Variants in JARID2 observed in about 807,000 individuals in gnomAD.
JARID2 encodes protein Jumonji.
In JARID2, 21 loss-of-function variants were observed where a neutral mutation model predicts 125.6. The ratio of observed to expected loss-of-function variants is 0.17; its 90% CI spans 0.12 to 0.24. The LOEUF is 0.24. JARID2 is among the 10% of genes least tolerant of loss of function. JARID2 has a pLI of 1.00. For missense variants in JARID2, 1,303 were observed against 1,639.6 expected (o/e 0.79, Z 3.55); for synonymous variants, 736 against 661.6 (o/e 1.11, Z -1.73).
chr6:15,376,660 G>A (rs527406888), intron 2 of JARID2, among the ~76,000 whole-genome samples: 132 of 152,246 alleles, frequency 8.7e-4, no homozygotes, highest in African/African-American at 3.0e-3. Context: ...GGAGGTCAAG[G>A]CTGCATTGAG....
chr6:15,395,543 G>A (rs908149370), intron 2 of JARID2, among the ~76,000 whole-genome samples: 4 of 152,160 alleles, frequency 2.6e-5, no homozygotes, highest in African/African-American at 9.7e-5. Context: ...GGGATTACAG[G>A]TGTGAGCCAC....
At chr6:15,495,782 T>C (rs1192737123) in intron 6 of JARID2, among the ~76,000 whole-genome samples, 1 of 152,154 alleles carries the variant, frequency 6.6e-6, no homozygotes, top group Non-Finnish European at 1.5e-5. Context: ...GGTGATTGCA[T>C]GGCACGTGGG....
rs763898041 is a variant in JARID2, at chr6:15,496,373, A to G, written c.1148A>G (p.Asn383Ser). The G allele has an allele frequency of 9.3e-6, 15 of 1,614,036 alleles. No homozygotes were observed. In the Admixed American group the frequency reaches 1.5e-4, roughly 16 times the overall value. The change falls in exon 7 of 18, where the codon AAT (asparagine) becomes AGT (serine). Residue 383 changes from asparagine (N) to serine (S), a missense_variant. Coordinates refer to ENST00000341776, the MANE Select transcript of JARID2 (RefSeq NM_004973.4). ...ATCTCAGGGAAAACTGAAAGTAGCAATGCAAAAACCCGCAAACAGGTGCTA... is the reference window on the plus strand; with the variant it reads ...ATCTCAGGGAAAACTGAAAGTAGCAGTGCAAAAACCCGCAAACAGGTGCTA... ...HTISGKTESS[N>S]AKTRKQVLSL... is the part of the protein sequence containing the mutation.
At chr6:15,292,175 C>T (rs1235661720) in intron 1 of JARID2, among the ~76,000 whole-genome samples, 2 of 151,972 alleles carry the variant, frequency 1.3e-5, no homozygotes, top group African/African-American at 2.4e-5. Flanking sequence ...CGCCACCTCG[C>T]CCGGCTAATT....
chr6:15,327,926 C>T (rs912718272), intron 1 of JARID2, among the ~76,000 whole-genome samples: 2 of 152,248 alleles, frequency 1.3e-5, no homozygotes, highest in South Asian at 2.1e-4. Context: ...TTGTGCACCT[C>T]GTTTGTATTT....
intron 2 of JARID2, among the ~76,000 whole-genome samples, chr6:15,401,222 T>C (rs1235445911): frequency 6.6e-6 from 1 of 152,130 alleles, no homozygotes; most frequent in Non-Finnish European, 1.5e-5. Flanking sequence ...TAATATTCTT[T>C]TAGCTTTGAT....
intron 2 of JARID2, among the ~76,000 whole-genome samples, chr6:15,388,651 T>C (rs1475289492): frequency 6.6e-6 from 1 of 150,550 alleles, no homozygotes; most frequent in Non-Finnish European, 1.5e-5. Flanking sequence ...TTTTATAATA[T>C]TTTATATTCG....
At chr6:15,414,646 G>A (rs999836212) in intron 3 of JARID2, among the ~76,000 whole-genome samples, 1 of 152,208 alleles carries the variant, frequency 6.6e-6, no homozygotes. Context: ...CACGGAAAGG[G>A]CAGCCCAAGA....
Position 15,501,252 on chromosome 6 carries a change from T to C in JARID2, c.2291T>C (p.Val764Ala). The C allele has an allele frequency of 1.2e-6, 2 of 1,613,614 alleles. No individual in the cohort carries two copies. The highest frequency in any genetic ancestry group is 1.1e-5 in the South Asian group (1 of 91,072). ...FEPKNGLIHG[V>A]APRNGFRSKL... ...CCCAAGAATGGGCTCATCCACGGCG[T>C]GGCCCCCAGGAACGGCTTCCGCAGC... The change falls in exon 8 of 18, where the codon GTG becomes GCG. Residue 764 changes from valine to alanine, a missense_variant. Physicochemically the swap from Val to Ala is moderately conservative, Grantham distance 64. Coordinates refer to ENST00000341776, the MANE Select transcript of JARID2 (RefSeq NM_004973.4).
intron 1 of JARID2, among the ~76,000 whole-genome samples, chr6:15,272,610 G>A (rs1044790283): frequency 6.6e-6 from 1 of 152,182 alleles, no homozygotes; most frequent in African/African-American, 2.4e-5. Flanking sequence ...AAAGGGGCCA[G>A]GGTTGGACCC....
At chr6:15,452,803 TA>T (rs1252945320) in intron 4 of JARID2, among the ~76,000 whole-genome samples, 4 of 152,190 alleles carry the variant, frequency 2.6e-5, no homozygotes, top group Non-Finnish European at 4.4e-5. Context: ...AGTTTTCTAA[TA>T]GCTGTGAGGA....
At chr6:15,326,344 C>T (rs888613755) in intron 1 of JARID2, among the ~76,000 whole-genome samples, 11 of 152,206 alleles carry the variant, frequency 7.2e-5, no homozygotes, top group South Asian at 4.1e-4. Context: ...TAGCTAGGAC[C>T]GCATGTGTGC....
At chr6:15,344,535 C>T (rs1561804676) in intron 1 of JARID2, among the ~76,000 whole-genome samples, 1 of 144,836 alleles carries the variant, frequency 6.9e-6, no homozygotes, top group African/African-American at 2.5e-5. Flanking sequence ...GTGTACAATT[C>T]TTTTTTTTTT....
Position 15,246,311 on chromosome 6 carries a change from A to T in JARID2, c.-229A>T, listed in dbSNP as rs1024333449. On this transcript the variant is annotated 5_prime_UTR_variant, in exon 1 of 18. Coordinates refer to ENST00000341776, the MANE Select transcript of JARID2 (RefSeq NM_004973.4). Reference sequence around the variant, plus strand: ...CATTATGAGTGTTTTACTAAAGTGAATTTTTTTTTGTTTGCTTCGTTCGTC... The same window carrying T: ...CATTATGAGTGTTTTACTAAAGTGATTTTTTTTTTGTTTGCTTCGTTCGTC... 5 of 564,014 alleles carry T rather than the reference A, an allele frequency of 8.9e-6. No individual in the cohort carries two copies. The highest frequency in any genetic ancestry group is 1.6e-5 in the Non-Finnish European group (5 of 321,060). The allele number at this position is 564,014 out of a possible 1,614,324, so 34.9% of individuals were successfully genotyped here. A position where few individuals can be genotyped will look rare whatever the true frequency, so the allele number is the denominator to read the frequency against.
chr6:15,340,133 T>C (rs1166899413), intron 1 of JARID2, among the ~76,000 whole-genome samples: 1 of 152,158 alleles, frequency 6.6e-6, no homozygotes, highest in Non-Finnish European at 1.5e-5. Context: ...CTGACATTTG[T>C]ATTTTTGTCC....
At chr6:15,319,914 C>G (rs748521148) in intron 1 of JARID2, among the ~76,000 whole-genome samples, 1 of 152,202 alleles carries the variant, frequency 6.6e-6, no homozygotes, top group Non-Finnish European at 1.5e-5. Flanking sequence ...CTTTTGATTT[C>G]AGAGAAGTTC....
intron 4 of JARID2, among the ~76,000 whole-genome samples, chr6:15,467,288 CTATT>C (rs771440341): frequency 1.3e-5 from 2 of 152,066 alleles, no homozygotes; most frequent in Non-Finnish European, 1.5e-5. Flanking sequence ...TTTGAGATCT[CTATT>C]TAGGTAGGAG....
intron 1 of JARID2, among the ~76,000 whole-genome samples, chr6:15,349,392 C>G: frequency 6.6e-6 from 1 of 152,118 alleles, no homozygotes; most frequent in East Asian, 1.9e-4. Context: ...TGAAGTGGGC[C>G]TAACTGGAGT....
chr6:15,319,748 T>G (rs1001986701), intron 1 of JARID2, among the ~76,000 whole-genome samples: 2 of 152,174 alleles, frequency 1.3e-5, no homozygotes, highest in Non-Finnish European at 2.9e-5. Context: ...GCAGGAAAAG[T>G]TTAACCTGAG....
Sources: gnomAD v4.1 joint callset for allele counts (sites outside exome capture counted in the v4.1 genomes callset) on GRCh38, gnomAD v4.1.1 for gene constraint, MANE v1.5 for transcripts, NCBI Gene and HGNC (gene_info 2026-07-23, HGNC 2026-07-21) for gene names.